Variants in TTLL10 observed in about 807,000 individuals in gnomAD.
TTLL10 encodes tubulin tyrosine ligase like 10, also known as inactive polyglycylase TTLL10.
In TTLL10, 61 loss-of-function variants were observed where a neutral mutation model predicts 69.0. The observed-to-expected ratio is 0.88, with a 90% CI of 0.72 to 1.09. The LOEUF (loss-of-function observed/expected upper bound fraction) is 1.09. Ranked by LOEUF, TTLL10 falls within the 50% of genes least tolerant of loss-of-function variation. The pLI is 0.00. For synonymous variants in TTLL10, 408 were observed against 393.3 expected, an observed-to-expected ratio of 1.04 and a Z score of -0.44; for missense variants, 962 against 945.9, an observed-to-expected ratio of 1.02 and a Z score of -0.22.
intron 3 of TTLL10, among the ~76,000 whole-genome samples, chr1:1,176,625 G>A (rs1646879411): frequency 6.6e-6 from 1 of 152,204 alleles, no homozygotes; most frequent in African/African-American, 2.4e-5. Context: ...TGTGTCCCCA[G>A]GAAGGCTGGA....
chr1:1,177,352 C>T (rs1240503043), intron 3 of TTLL10, among the ~76,000 whole-genome samples: 1 of 152,016 alleles, frequency 6.6e-6, no homozygotes, highest in African/African-American at 2.4e-5. Flanking sequence ...CGCTCTGTCG[C>T]CCAGGCTGGA....
chr1:1,185,639 G>T lies in TTLL10; in HGVS notation c.1401+530G>T, dbSNP rs533042781. The T allele has an allele frequency of 8.9e-5, 88 of 985,724 alleles. No individual in the cohort carries two copies. Among genetic ancestry groups the T allele is most frequent in the Non-Finnish European group, 1.0e-4 (85 of 830,238 alleles). 61.1% of individuals were successfully genotyped at this position (985,724 alleles called of 1,614,324 possible). On this transcript the variant is annotated intron_variant, in intron 13 of 15. Transcript: ENST00000379289. This position sits in a 1 kb window ranked among gnomAD's most constrained non-coding sequence, Gnocchi z 6.1. ...CAAAGGCCCTTGAGCAGCGCGGTGT[G>T]AAACTGGGATAAAAACGGGGCTTGG...
intron 8 of TTLL10, 109 bp downstream of exon 8, chr1:1,180,969 T>G: frequency 1.0e-6 from 1 of 1,003,936 alleles, no homozygotes; most frequent in Non-Finnish European, 1.3e-6. Context: ...CCCCTGCCCT[T>G]GCCCCTGCCC....
chr1:1,197,880 C>G lies in TTLL10; in HGVS notation c.*33C>G. The G allele has an allele frequency of 3.6e-6, 5 of 1,396,174 alleles. No individual in the cohort carries two copies. The highest frequency in any genetic ancestry group is 3.7e-6 in the Non-Finnish European group (4 of 1,076,676). 86.5% of individuals were successfully genotyped at this position (1,396,174 alleles called of 1,614,324 possible). A position where few individuals can be genotyped will look rare whatever the true frequency, so the allele number is the denominator to read the frequency against. ...CACCCGCGCCCAGCGCCCCGCGCCC[C>G]GCGCCCCAGCCGTGCTGCCTGCCCT... On this transcript the variant is annotated 3_prime_UTR_variant, in exon 16 of 16. Coordinates refer to ENST00000379289, the MANE Select transcript of TTLL10 (RefSeq NM_001130045.2).
intron 11 of TTLL10, among the ~76,000 whole-genome samples, chr1:1,183,706 G>A (rs754955598): frequency 3.9e-5 from 6 of 152,206 alleles, no homozygotes; most frequent in African/African-American, 7.2e-5. Flanking sequence ...CTCCTACTGC[G>A]GTTATGCCCT....
rs187224741 is a variant in TTLL10 at position 1,191,813 on chromosome 1, G to A, written c.1402-4787G>A. ...TCAGTTAACTAAAAGTATCCCTTAC[G>A]GGAAACGAAGGGATGGGCCAAATTA... On this transcript the variant is annotated intron_variant, in intron 13 of 15. Coordinates refer to ENST00000379289, the MANE Select transcript of TTLL10 (RefSeq NM_001130045.2). 1.1e-4 allele frequency among the ~76,000 whole-genome samples: 16 copies of A among 152,346 alleles called. No homozygotes were observed. The East Asian group carries it at 1.9e-3, about 18-fold the overall frequency.
intron 15 of TTLL10, 107 bp from the exon 16 acceptor site, chr1:1,197,331 C>T (rs919743252): frequency 7.8e-7 from 1 of 1,288,624 alleles, no homozygotes; most frequent in Non-Finnish European, 1.1e-6. Context: ...CCTGCCCCAA[C>T]CTTCCCCACA....
At position 1,197,601 on chromosome 1, in the gene TTLL10, G is replaced by A. The variant is rs1570446930; in HGVS notation, c.1776G>A (p.Gln592=). 1.3e-6 allele frequency: 2 copies of A among 1,514,522 alleles called. No homozygotes were observed. The highest frequency in any genetic ancestry group is 2.1e-5 in the Admixed American group (1 of 47,390). The allele number at this position is 1,514,522 out of a possible 1,614,324, so 93.8% of individuals were successfully genotyped here. ...GCTGGCCGCCCCTGCCCACCCGCCA[G>A]GCCAAGTCCTCCGGGCCACCCATGC... ...LRRWPPLPTR[Q]AKSSGPPMPH... Residue 592 remains glutamine (Q), a synonymous_variant, in exon 16 of 16, where the codon CAG becomes CAA. Transcript: ENST00000379289.
intron 3 of TTLL10, chr1:1,174,748 G>A (rs1334765079): frequency 2.0e-5 from 3 of 152,372 alleles, no homozygotes; most frequent in South Asian, 2.1e-4. Context: ...AGCGGCTCCC[G>A]GCGCTTGGGA....
Position 1,185,185 on chromosome 1 carries a change from C to T in TTLL10, c.1401+76C>T. ...GTGTGTGGTCAGGCTGGGCACCAGG[C>T]ACACAGATGTCCGTGGCGTGCGTGG... On this transcript the variant is annotated intron_variant, in intron 13 of 15. Transcript: ENST00000379289. This position sits in a 1 kb window ranked among gnomAD's most constrained non-coding sequence, Gnocchi z 6.1. 1 of 1,572,694 alleles carries T rather than the reference C, an allele frequency of 6.4e-7. No homozygotes were observed. Among genetic ancestry groups the T allele is most frequent in the Non-Finnish European group, 8.6e-7 (1 of 1,157,566 alleles).
Position 1,181,466 on chromosome 1 carries a change from C to T in TTLL10, c.756-275C>T, listed in dbSNP as rs1647066140. Among the ~76,000 whole-genome samples, 1 of 152,074 alleles carries T rather than the reference C, an allele frequency of 6.6e-6. No individual in the cohort carries two copies. Among genetic ancestry groups the T allele is most frequent in the Non-Finnish European group, 1.5e-5 (1 of 68,012 alleles). The stretch of plus-strand genomic sequence containing the variant: ...ACTTCATTTGGCCCAGACATTTTTG[C>T]ACCAAGCACCCGCCCAGCCAACCGC... On this transcript the variant is annotated intron_variant, in intron 8 of 15. Transcript: ENST00000379289. The surrounding 1 kb of genome is among the most constrained non-coding windows in gnomAD (Gnocchi z 4.6).
At position 1,193,557 on chromosome 1, in the gene TTLL10, G is replaced by A. The variant is rs185757104; in HGVS notation, c.1402-3043G>A. 9.2e-3 allele frequency among the ~76,000 whole-genome samples: 1,371 copies of A among 149,362 alleles called. 17 individuals carry two copies. The highest frequency in any genetic ancestry group is 0.03 in the African/African-American group (1,220 of 40,850). ...CGGCTCACTGCAGCCCCCGCCTCCC[G>A]GATTCAAGCGATTCTCCTGCCTCAG... On this transcript the variant is annotated intron_variant, in intron 13 of 15. Transcript: ENST00000379289.
intron 3 of TTLL10, chr1:1,176,373 G>A (rs1279952930): frequency 1.8e-5 from 8 of 455,528 alleles, no homozygotes; most frequent in Non-Finnish European, 3.1e-5. Flanking sequence ...CTGGAGAGAG[G>A]CTGACGCTGT....
intron 8 of TTLL10, 102 bp downstream of exon 8, chr1:1,180,962 CT>C (rs1364126299): frequency 8.7e-7 from 1 of 1,151,606 alleles, no homozygotes; most frequent in South Asian, 1.7e-5. Context: ...GCGCCCGCCC[CT>C]GCCCTTGCCC....
In TTLL10 at chr1:1,180,294, C is replaced by A; in HGVS notation, c.460C>A (p.Arg154=). 2 of 1,589,414 alleles carry A rather than the reference C, an allele frequency of 1.3e-6. No individual in the cohort carries two copies. The highest frequency in any genetic ancestry group is 1.1e-5 in the South Asian group (1 of 87,884). The part of the protein sequence containing the change: ...GGGKPSPHST[R]PGPFFYIGGS... The stretch of plus-strand genomic sequence containing the variant: ...TGGGAAGCCATCGCCCCACAGCACC[C>A]GGCCGGGGCCCTTCTTCTACATTGG... The change falls in exon 6 of 16, where the codon CGG becomes AGG. Residue 154 remains arginine, a synonymous_variant. Transcript: ENST00000379289.
rs989567062 is a variant in TTLL10, at chr1:1,183,067, G to A, written c.1088+20G>A. ...GCAGAGGTGCGGCGGCGGGTGCCCG[G>A]AGGGGTGAGGGTCTGGGCTGGCTGA... On this transcript the variant is annotated intron_variant, in intron 11 of 15. Transcript: ENST00000379289. 1 of 1,574,474 alleles carries A rather than the reference G, an allele frequency of 6.4e-7. No homozygotes were observed. Among genetic ancestry groups the A allele is most frequent in the Non-Finnish European group, 8.6e-7 (1 of 1,160,512 alleles).
At chr1:1,176,871 T>G (rs1646885259) in intron 3 of TTLL10, among the ~76,000 whole-genome samples, 1 of 152,230 alleles carries the variant, frequency 6.6e-6, no homozygotes, top group Non-Finnish European at 1.5e-5. Flanking sequence ...CCGGCTCTTT[T>G]GTATTCTCTG....
rs1360087017 is a variant in TTLL10, at chr1:1,185,384, GC to G, written c.1401+276del. The G allele has an allele frequency of 7.7e-7, 1 of 1,298,684 alleles. No homozygotes were observed. The highest frequency in any genetic ancestry group is 9.8e-7 in the Non-Finnish European group (1 of 1,024,210). The allele number at this position is 1,298,684 out of a possible 1,614,324, so 80.4% of individuals were successfully genotyped here. A position where few individuals can be genotyped will look rare whatever the true frequency, so the allele number is the denominator to read the frequency against. On this transcript the variant is annotated intron_variant, in intron 13 of 15. Coordinates refer to ENST00000379289, the MANE Select transcript of TTLL10 (RefSeq NM_001130045.2). This position sits in a 1 kb window ranked among gnomAD's most constrained non-coding sequence, Gnocchi z 6.1. ...AGCCTCGCCGTAGGGTCAGGGGACA[GC>G]TCGGCTTCAGTGACAGCCACCATGT...
At position 1,197,569 on chromosome 1, in the gene TTLL10, C is replaced by T; in HGVS notation, c.1744C>T (p.Leu582Phe). 6.6e-7 allele frequency: 1 copy of T among 1,516,550 alleles called. No individual in the cohort carries two copies. Among genetic ancestry groups the T allele is most frequent in the Non-Finnish European group, 8.8e-7 (1 of 1,137,334 alleles). The allele number at this position is 1,516,550 out of a possible 1,614,324, so 93.9% of individuals were successfully genotyped here. Residue 582 changes from leucine (L) to phenylalanine (F), a missense_variant, in exon 16 of 16, where the codon CTC (leucine) becomes TTC (phenylalanine). Transcript: ENST00000379289. ...PRPHLGGSCS[L>F]RRWPPLPTRQ... The stretch of plus-strand genomic sequence containing the variant: ...GCCGCACCTGGGGGGCTCGTGCAGC[C>T]TCCGCCGCTGGCCGCCCCTGCCCAC...
Sources: allele counts gnomAD v4.1 joint callset (sites outside exome capture counted in the v4.1 genomes callset), GRCh38; gene constraint gnomAD v4.1.1; non-coding constraint Gnocchi (gnomAD v3.1); transcripts MANE v1.5; gene names NCBI Gene and HGNC (gene_info 2026-07-23, HGNC 2026-07-21).